The following GRM7 variants were observed in gnomAD, a reference collection of about 807,000 sequenced individuals.
GRM7 encodes the protein metabotropic glutamate receptor 7.
In GRM7, 35 loss-of-function variants were observed where a neutral mutation model predicts 84.5. The observed-to-expected ratio is 0.41, with a 90% CI of 0.32 to 0.55. The LOEUF (loss-of-function observed/expected upper bound fraction) is 0.55, where lower values mean the gene tolerates loss of function less well. Among genes scored for constraint, GRM7 ranks in the 20% least tolerant of loss-of-function variants. GRM7 has a pLI of 0.19. For missense variants in GRM7, 1,003 were observed against 1,194.6 expected, an observed-to-expected ratio of 0.84 and a Z score of 2.36; for synonymous variants, 487 against 455.1, an observed-to-expected ratio of 1.07 and a Z score of -0.89.
chr3:6,987,576 G>A (rs1013046204), intron 1 of GRM7, among the ~76,000 whole-genome samples: 1 of 152,148 alleles, frequency 6.6e-6, no homozygotes, highest in Non-Finnish European at 1.5e-5. Context: ...GTGAACGTGA[G>A]CATTCAAGGA....
intron 8 of GRM7, among the ~76,000 whole-genome samples, chr3:7,589,104 T>C (rs1695655459): frequency 6.6e-6 from 1 of 152,230 alleles, no homozygotes; most frequent in Non-Finnish European, 1.5e-5. Flanking sequence ...GTGACTAGTT[T>C]GAGGCATCAT....
intron 2 of GRM7, among the ~76,000 whole-genome samples, chr3:7,244,404 A>C (rs1024497279): frequency 1.6e-4 from 25 of 152,080 alleles, no homozygotes; most frequent in African/African-American, 4.6e-4. Context: ...CATGCTGATC[A>C]CTAAAATGTA....
chr3:7,364,572 C>A (rs1317301609), intron 4 of GRM7, among the ~76,000 whole-genome samples: 2 of 151,678 alleles, frequency 1.3e-5, no homozygotes, highest in East Asian at 1.9e-4. Flanking sequence ...TTCCTCCTAT[C>A]AGACTGACTT....
At chr3:7,329,726 T>C (rs1178342123) in intron 4 of GRM7, among the ~76,000 whole-genome samples, 7 of 152,238 alleles carry the variant, frequency 4.6e-5, no homozygotes, top group Non-Finnish European at 1.0e-4. Flanking sequence ...TAGCATTGTG[T>C]GTGTATACGT....
intron 1 of GRM7, among the ~76,000 whole-genome samples, chr3:6,886,688 A>G (rs1462499785): frequency 7.2e-5 from 11 of 152,114 alleles, no homozygotes; most frequent in Non-Finnish European, 7.4e-5. Flanking sequence ...ACACCTGCTT[A>G]GGCGAGATGG....
At chr3:7,705,461 T>C (rs955047159) in intron 9 of GRM7, among the ~76,000 whole-genome samples, 1 of 152,142 alleles carries the variant, frequency 6.6e-6, no homozygotes, top group Non-Finnish European at 1.5e-5. Context: ...TCATTCCAGC[T>C]AGGGACACAG....
At chr3:6,979,057 C>T (rs1694102248) in intron 1 of GRM7, among the ~76,000 whole-genome samples, 1 of 152,122 alleles carries the variant, frequency 6.6e-6, no homozygotes, top group Non-Finnish European at 1.5e-5. Flanking sequence ...ATCCTTCCAA[C>T]AAACCTATTG....
intron 7 of GRM7, among the ~76,000 whole-genome samples, chr3:7,492,286 T>C (rs923991572): frequency 2.0e-5 from 3 of 152,172 alleles, no homozygotes; most frequent in African/African-American, 7.2e-5. Context: ...TTGGTATTAA[T>C]TCTTATTTAT....
At position 7,327,066 on chromosome 3, in the gene GRM7, C is replaced by T. The variant is rs1038264779; in HGVS notation, c.1033+20414C>T. On this transcript the variant is annotated intron_variant, in intron 4 of 9. Transcript: ENST00000357716. ...TGGTGCCTGGCACATAACAGGTGCT[C>T]GAAGAAACTATTGAAGATGTTAATT... 2.6e-5 allele frequency among the ~76,000 whole-genome samples: 4 copies of T among 152,114 alleles called. No homozygotes were observed. The East Asian group carries it at 5.8e-4, about 22-fold the overall frequency.
At chr3:7,315,223 T>A (rs576015349) in intron 4 of GRM7, among the ~76,000 whole-genome samples, 11 of 152,238 alleles carry the variant, frequency 7.2e-5, no homozygotes, top group Non-Finnish European at 1.2e-4. Flanking sequence ...ATCTTTCACT[T>A]CCTGCTTGCC....
intron 1 of GRM7, among the ~76,000 whole-genome samples, chr3:6,870,684 G>A (rs1559296512): frequency 6.6e-6 from 1 of 152,122 alleles, no homozygotes; most frequent in Non-Finnish European, 1.5e-5. Flanking sequence ...TCGATGGTTT[G>A]GTGGCTTGAG....
chr3:7,311,960 T>G (rs1436647876), intron 4 of GRM7, among the ~76,000 whole-genome samples: 1 of 152,154 alleles, frequency 6.6e-6, no homozygotes, highest in Non-Finnish European at 1.5e-5. Context: ...CATACACTAC[T>G]CACAAATGCT....
chr3:6,861,355 G>GCGCCGC lies in GRM7; in HGVS notation c.-26_-21dup. On this transcript the variant is annotated 5_prime_UTR_variant, in exon 1 of 10. Coordinates refer to ENST00000357716, the MANE Select transcript of GRM7 (RefSeq NM_000844.4). This position sits in a 1 kb window ranked among gnomAD's most constrained non-coding sequence, Gnocchi z 6.4. ...GGCGAGCCCACCACCGTTCCCTCCA[G>GCGCCGC]CGCCGCCGCCGCCACCGCAGCAGCC... 1.4e-6 allele frequency: 2 copies of GCGCCGC among 1,476,066 alleles called. No homozygotes were observed. Among genetic ancestry groups the GCGCCGC allele is most frequent in the Middle Eastern group, 2.5e-4 (1 of 3,976 alleles). The allele number at this position is 1,476,066 out of a possible 1,614,324, so 91.4% of individuals were successfully genotyped here.
intron 1 of GRM7, among the ~76,000 whole-genome samples, chr3:7,044,933 A>C (rs1196688319): frequency 6.6e-6 from 1 of 152,102 alleles, no homozygotes; most frequent in East Asian, 1.9e-4. Flanking sequence ...CTATTTTTTG[A>C]CAGAAACTTT....
At chr3:7,485,555 G>C (rs1559355379) in intron 7 of GRM7, among the ~76,000 whole-genome samples, 2 of 152,102 alleles carry the variant, frequency 1.3e-5, no homozygotes, top group African/African-American at 4.8e-5. Flanking sequence ...AAATAAGTTG[G>C]AAAAATTAAT....
At chr3:7,461,455 A>G in intron 6 of GRM7, 128 bp from the exon 7 acceptor site, 2 of 653,998 alleles carry the variant, frequency 3.1e-6, no homozygotes, top group Admixed American at 2.8e-5. Context: ...TTTTGGGGGG[A>G]CCTATTAAAG....
At position 7,273,552 on chromosome 3, in the gene GRM7, A is replaced by C. The variant is rs557339311; in HGVS notation, c.737-25132A>C. On this transcript the variant is annotated intron_variant, in intron 2 of 9. Transcript: ENST00000357716. ...TGATACTCTGTTATTAGGTACATACACATTATGTATTGTTATGTCTTTATG... is the reference window on the plus strand; with the variant it reads ...TGATACTCTGTTATTAGGTACATACCCATTATGTATTGTTATGTCTTTATG... Among the ~76,000 whole-genome samples the C allele has an allele frequency of 8.5e-5, 13 of 152,218 alleles. No homozygotes were observed. In the East Asian group the frequency reaches 1.7e-3, roughly 20 times the overall value.
chr3:7,049,049 A>G (rs1313636393), intron 1 of GRM7, among the ~76,000 whole-genome samples: 1 of 152,006 alleles, frequency 6.6e-6, no homozygotes, highest in Admixed American at 6.6e-5. Flanking sequence ...ATTATATTCA[A>G]TCAATATTAA....
At chr3:7,361,758 G>T (rs577591434) in intron 4 of GRM7, among the ~76,000 whole-genome samples, 1 of 152,226 alleles carries the variant, frequency 6.6e-6, no homozygotes, top group South Asian at 2.1e-4. Context: ...AGAAAGTGAA[G>T]CAGCTCTTGA....
Sources: gnomAD v4.1 joint callset for allele counts (sites outside exome capture counted in the v4.1 genomes callset) on GRCh38, gnomAD v4.1.1 for gene constraint, Gnocchi (gnomAD v3.1) non-coding constraint, MANE v1.5 for transcripts, NCBI Gene and HGNC (gene_info 2026-07-23, HGNC 2026-07-21) for gene names.